The following RFX3 variants were observed in gnomAD, a reference collection of about 807,000 sequenced individuals.
The protein encoded by RFX3 is regulatory factor X3.
A neutral mutation model predicts 98.6 loss-of-function variants in RFX3; 14 were observed. The observed-to-expected ratio is 0.14, with a 90% CI of 0.09 to 0.22. RFX3 has a LOEUF of 0.22. RFX3 is among the 10% of genes least tolerant of loss of function. The probability of loss-of-function intolerance (pLI) is 1.00; values close to 1 mark genes in which losing one functional copy is unlikely to be tolerated. For synonymous variants in RFX3, 383 were observed against 328.4 expected (o/e 1.17, Z -1.80); for missense variants, 639 against 926.9 (o/e 0.69, Z 4.03).
At chr9:3,473,522 T>G (rs1271546345) in intron 1 of RFX3, among the ~76,000 whole-genome samples, 1 of 152,156 alleles carries the variant, frequency 6.6e-6, no homozygotes, top group Admixed American at 6.5e-5. Flanking sequence ...ATAATACACA[T>G]GAGAAGCTCT....
intron 1 of RFX3, among the ~76,000 whole-genome samples, chr9:3,467,417 C>A (rs1016679533): frequency 6.6e-6 from 1 of 150,824 alleles, no homozygotes; most frequent in African/African-American, 2.4e-5. Flanking sequence ...AAGTAAAAGA[C>A]TAATCTCTAT....
At position 3,392,455 on chromosome 9, in the gene RFX3, G is replaced by C. The variant is rs151306707; in HGVS notation, c.117+3017C>G. On this transcript the variant is annotated intron_variant, in intron 2 of 16. Coordinates refer to ENST00000617270, the MANE Select transcript of RFX3 (RefSeq NM_001282116.2). ...AATTCCTGAAAATTAAAAAAAAAGT[G>C]ATAGAAATTAAAAATAATATAAGGC... Among the ~76,000 whole-genome samples the C allele has an allele frequency of 5.1e-3, 768 of 150,290 alleles. 9 individuals are homozygous for C. The highest frequency in any genetic ancestry group is 7.5e-3 in the Admixed American group (114 of 15,124).
At position 3,407,112 on chromosome 9, in the gene RFX3, T is replaced by C. The variant is rs530372701; in HGVS notation, c.-8-11516A>G. On this transcript the variant is annotated intron_variant, in intron 1 of 16. Transcript: ENST00000617270. ...AGCACTCAGATATCGTTAATTTTCA[T>C]AGCTGAAATGCTAAGAATAAGTAAT... Among the ~76,000 whole-genome samples, 5 of 152,330 alleles carry C rather than the reference T, an allele frequency of 3.3e-5. No homozygotes were observed. The East Asian group carries it at 9.6e-4, about 29-fold the overall frequency.
chr9:3,414,735 T>TGA (rs1554700474), intron 1 of RFX3, among the ~76,000 whole-genome samples: 2 of 47,362 alleles, frequency 4.2e-5, no homozygotes, highest in East Asian at 8.3e-4. Context: ...TGAGTATATA[T>TGA]GTATATATGA....
intron 1 of RFX3, among the ~76,000 whole-genome samples, chr9:3,504,220 ATATTATATAC>A (rs1816414747): frequency 7.9e-6 from 1 of 126,658 alleles, no homozygotes; most frequent in Non-Finnish European, 1.5e-5. Flanking sequence ...ATTATATACT[ATATTATATAC>A]TATATATTAT....
At position 3,514,716 on chromosome 9, in the gene RFX3, T is replaced by C. The variant is rs147896343; in HGVS notation, c.-9+11031A>G. 1.4e-4 allele frequency among the ~76,000 whole-genome samples: 21 copies of C among 152,350 alleles called. 1 individual carries two copies. The East Asian group carries it at 3.9e-3, about 28-fold the overall frequency. ...CTCCCATCTCAGCCTCCCAATGTGC[T>C]GGGATTACAAGTGTGAGCTAAACAA... On this transcript the variant is annotated intron_variant, in intron 1 of 16. Transcript: ENST00000617270.
At chr9:3,409,052 G>T (rs1230567662) in intron 1 of RFX3, among the ~76,000 whole-genome samples, 1 of 152,162 alleles carries the variant, frequency 6.6e-6, no homozygotes, top group Non-Finnish European at 1.5e-5. Flanking sequence ...TAAGTTGATG[G>T]TTCAAGCTTT....
At position 3,220,585 on chromosome 9, in the gene RFX3, A is replaced by G. The variant is rs1257661553; in HGVS notation, c.*4457T>C. ...ATCAAGCCCTCTTGAAGAAAAATTA[A>G]GAGTTGTATATAAAATGCAAGTGTT... On this transcript the variant is annotated 3_prime_UTR_variant, in exon 17 of 17. Transcript: ENST00000617270. 6.6e-6 allele frequency: 1 copy of G among 152,110 alleles called. No homozygotes were observed. The highest frequency in any genetic ancestry group is 1.9e-4 in the East Asian group (1 of 5,186). 9.4% of individuals were successfully genotyped at this position (152,110 alleles called of 1,614,324 possible).
At position 3,415,097 on chromosome 9, in the gene RFX3, CATAT is replaced by C. The variant is rs201814673; in HGVS notation, c.-8-19505_-8-19502del. ...ATATATATATTCTTATATATATACT[CATAT>C]ATAAGTATATATATATACTTATATA... On this transcript the variant is annotated intron_variant, in intron 1 of 16. Transcript: ENST00000617270. Among the ~76,000 whole-genome samples, 814 of 85,604 alleles carry C rather than the reference CATAT, an allele frequency of 9.5e-3. 6 individuals are homozygous for C. The highest frequency in any genetic ancestry group is 0.03 in the East Asian group (109 of 3,612). 56.2% of individuals were successfully genotyped at this position (85,604 alleles called of 152,430 possible). A position where few individuals can be genotyped will look rare whatever the true frequency, so the allele number is the denominator to read the frequency against.
chr9:3,465,192 G>A (rs890760277), intron 1 of RFX3, among the ~76,000 whole-genome samples: 2 of 152,132 alleles, frequency 1.3e-5, no homozygotes, highest in Non-Finnish European at 1.5e-5. Flanking sequence ...AGTATCAGTA[G>A]TCTGACAGCA....
At chr9:3,374,086 A>ATG (rs1193639197) in intron 2 of RFX3, among the ~76,000 whole-genome samples, 1 of 139,030 alleles carries the variant, frequency 7.2e-6, no homozygotes, top group African/African-American at 3.1e-5. Flanking sequence ...TCACACACAC[A>ATG]CGCGCGCACA....
rs375034661 is a variant in RFX3, at chr9:3,491,510, C to A, written c.-9+34237G>T. On this transcript the variant is annotated intron_variant, in intron 1 of 16. Coordinates refer to ENST00000617270, the MANE Select transcript of RFX3 (RefSeq NM_001282116.2). ...TGCAGTTATAAATGTTTATAATTCA[C>A]CCTACTCCATTACTTCTAATCCTTT... 3.2e-4 allele frequency among the ~76,000 whole-genome samples: 49 copies of A among 152,238 alleles called. 1 individual carries two copies. In the East Asian group the frequency reaches 4.6e-3, roughly 14 times the overall value.
chr9:3,351,211 T>C (rs1460738492), intron 2 of RFX3, among the ~76,000 whole-genome samples: 1 of 152,040 alleles, frequency 6.6e-6, no homozygotes, highest in East Asian at 1.9e-4. Context: ...TTTATGGAAA[T>C]CTCTGTACCT....
intron 1 of RFX3, chr9:3,524,656 A>G: frequency 1.0e-6 from 1 of 981,262 alleles, no homozygotes; most frequent in Non-Finnish European, 1.2e-6. Flanking sequence ...TTCATCACAA[A>G]GTCTCATAAT....
At chr9:3,391,575 G>C (rs535266897) in intron 2 of RFX3, among the ~76,000 whole-genome samples, 1 of 152,156 alleles carries the variant, frequency 6.6e-6, no homozygotes, top group Non-Finnish European at 1.5e-5. Context: ...TGCCTGTTGG[G>C]AGTGAGCCAT....
intron 4 of RFX3, among the ~76,000 whole-genome samples, chr9:3,313,199 CGTTCTGCAATATTTGCT>C (rs890994016): frequency 3.9e-5 from 6 of 152,152 alleles, no homozygotes; most frequent in African/African-American, 1.4e-4. Context: ...CAACATCTGC[CGTTCTGCAATATTTGCT>C]GTTCTGCAGA....
intron 1 of RFX3, among the ~76,000 whole-genome samples, chr9:3,504,792 A>G (rs1816604866): frequency 9.7e-6 from 1 of 103,448 alleles, no homozygotes; most frequent in Non-Finnish European, 1.7e-5. Context: ...TATAAAATAT[A>G]TATTATATTA....
At chr9:3,458,968 C>A (rs1324658151) in intron 1 of RFX3, among the ~76,000 whole-genome samples, 2 of 152,116 alleles carry the variant, frequency 1.3e-5, no homozygotes, top group East Asian at 1.9e-4. Context: ...GCCGTAGACA[C>A]TGAATTAAAT....
At chr9:3,281,808 A>G (rs1825946968) in intron 7 of RFX3, among the ~76,000 whole-genome samples, 2 of 151,934 alleles carry the variant, frequency 1.3e-5, no homozygotes, top group South Asian at 4.1e-4. Flanking sequence ...CTACTGTAAA[A>G]GTAATATTCT....
Sources: allele counts gnomAD v4.1 joint callset (sites outside exome capture counted in the v4.1 genomes callset), GRCh38; gene constraint gnomAD v4.1.1; transcripts MANE v1.5; gene names NCBI Gene and HGNC (gene_info 2026-07-23, HGNC 2026-07-21).